The following SPG7 variants were observed in gnomAD, a reference collection of about 807,000 sequenced individuals.
SPG7 encodes mitochondrial inner membrane m-AAA protease component paraplegin.
A neutral mutation model predicts 81.9 loss-of-function variants in SPG7; 103 were observed. That is an observed-to-expected ratio of 1.26 (90% CI 1.07 to 1.48). The LOEUF is 1.48. Ranked by LOEUF, SPG7 falls within the 40% of genes most tolerant of loss-of-function variation. The pLI, the probability that SPG7 is intolerant of heterozygous loss-of-function variation, is 0.00. For missense variants in SPG7, 1,241 were observed against 1,087.3 expected (o/e 1.14, Z -1.99); for synonymous variants, 534 against 444.2 (o/e 1.20, Z -2.54).
intron 11 of SPG7, chr16:89,547,104 C>A (rs2058574610): frequency 2.9e-6 from 1 of 343,334 alleles, no homozygotes; most frequent in Non-Finnish European, 5.7e-6. Context: ...GGCAAAGCCG[C>A]CTCCCTCTGA....
At chr16:89,530,917 T>C (rs148264342) in intron 7 of SPG7, 109 bp downstream of exon 7, 8 of 1,488,150 alleles carry the variant, frequency 5.4e-6, no homozygotes, top group Non-Finnish European at 7.5e-6. Flanking sequence ...TGTCGTGGGT[T>C]GGCGGTGACC....
chr16:89,529,439 C>A, intron 5 of SPG7, 38 bp from the exon 6 acceptor site: 1 of 1,395,770 alleles, frequency 7.2e-7, no homozygotes. Context: ...TCACGTGACA[C>A]CGTCTGAGCC....
At chr16:89,510,393 A>T (rs1457937045) in intron 1 of SPG7, 97 bp from the exon 2 acceptor site, 1 of 714,258 alleles carries the variant, frequency 1.4e-6, no homozygotes, top group Non-Finnish European at 2.5e-6. Flanking sequence ...ACAAATAATT[A>T]TATATTTGAA....
intron 13 of SPG7, chr16:89,552,673 G>T: frequency 2.4e-6 from 1 of 413,414 alleles, no homozygotes; most frequent in Non-Finnish European, 4.6e-6. Flanking sequence ...GGCCATCGGG[G>T]GTGAAACTTG....
intron 2 of SPG7, among the ~76,000 whole-genome samples, chr16:89,511,984 T>G (rs543695339): frequency 2.1e-4 from 32 of 152,164 alleles, no homozygotes; most frequent in Non-Finnish European, 3.2e-4. Context: ...CGATCTCCGC[T>G]CACTGCAAGC....
intron 9 of SPG7, chr16:89,541,975 C>T (rs973972200): frequency 1.4e-4 from 21 of 149,498 alleles, no homozygotes; most frequent in African/African-American, 5.2e-4. Flanking sequence ...CGCAGGGTGG[C>T]CATCCTAACA....
At chr16:89,548,168 A>T in intron 12 of SPG7, 55 bp downstream of exon 12, 1 of 1,243,660 alleles carries the variant, frequency 8.0e-7, no homozygotes, top group South Asian at 1.2e-5. Flanking sequence ...TGAACCCCAG[A>T]AATACCCAGG....
At chr16:89,542,015 G>T (rs1351752427) in intron 9 of SPG7, 3 of 151,504 alleles carry the variant, frequency 2.0e-5, no homozygotes, top group Non-Finnish European at 2.9e-5. Flanking sequence ...CACGTGCCCC[G>T]CAGGGTGGCC....
chr16:89,524,181 G>T lies in SPG7; in HGVS notation c.552G>T (p.Gln184His). 6.2e-7 allele frequency: 1 copy of T among 1,614,080 alleles called. No individual in the cohort carries two copies. Among genetic ancestry groups the T allele is most frequent in the Non-Finnish European group, 8.5e-7 (1 of 1,180,028 alleles). Residue 184 changes from glutamine (Q) to histidine (H), a missense_variant, in exon 4 of 17, where the codon CAG (glutamine) becomes CAT (histidine). Transcript: ENST00000645818. ...MLAKGEVQRV[Q>H]VVPESDVVEV... The stretch of plus-strand genomic sequence containing the variant: ...CCAAGGGCGAGGTGCAGCGCGTCCA[G>T]GTGGTGCCTGAGAGCGACGTGGTGG...
At chr16:89,510,297 T>C (rs1046386718) in intron 1 of SPG7, among the ~76,000 whole-genome samples, 193 bp from the exon 2 acceptor site, 1 of 152,208 alleles carries the variant, frequency 6.6e-6, no homozygotes, top group African/African-American at 2.4e-5. Flanking sequence ...TTAACCTGTT[T>C]ACTTGCTTTT....
chr16:89,541,072 C>G (rs766992173), intron 9 of SPG7: 1 of 984,716 alleles, frequency 1.0e-6, no homozygotes, highest in Non-Finnish European at 1.2e-6. Context: ...AGAGCTGAAA[C>G]TGGTGTATCC....
intron 14 of SPG7, chr16:89,553,447 G>A: frequency 1.9e-6 from 1 of 524,194 alleles, no homozygotes; most frequent in Non-Finnish European, 3.4e-6. Context: ...TACTGCACTG[G>A]GATATCCAGA....
chr16:89,533,895 A>C (rs1250102122), intron 9 of SPG7: 2 of 152,050 alleles, frequency 1.3e-5, no homozygotes, highest in African/African-American at 4.8e-5. Context: ...GCTGTTGGGG[A>C]GGCCGAGGCA....
intron 4 of SPG7, among the ~76,000 whole-genome samples, chr16:89,524,953 CTTTTTT>C (rs34661848): frequency 1.7e-5 from 2 of 118,916 alleles, no homozygotes; most frequent in Non-Finnish European, 3.5e-5. Context: ...TTTTCTTTTG[CTTTTTT>C]TTTTTTTTTT....
In SPG7 at chr16:89,528,606, T is replaced by A. The variant is rs1438185441; in HGVS notation, c.759-871T>A. ...AGGGCAAAAGTCCTGGGATTTGCTT[T>A]TTTTTTTTTTTTTTTTTGGAGTCAG... On this transcript the variant is annotated intron_variant, in intron 5 of 16. Coordinates refer to ENST00000645818, the MANE Select transcript of SPG7 (RefSeq NM_003119.4). 9.7e-3 allele frequency: 1,392 copies of A among 143,548 alleles called. 53 individuals are homozygous for A. Among genetic ancestry groups the A allele is most frequent in the African/African-American group, 0.034 (1,254 of 36,980 alleles). The allele number at this position is 143,548 out of a possible 1,614,324, so 8.9% of individuals were successfully genotyped here.
intron 14 of SPG7, 119 bp downstream of exon 14, chr16:89,553,254 G>A (rs1275086961): frequency 1.9e-6 from 2 of 1,069,360 alleles, no homozygotes; most frequent in South Asian, 1.4e-5. Flanking sequence ...AATTTATTAA[G>A]TATTTTGTAA....
intron 9 of SPG7, chr16:89,537,310 G>A: frequency 3.2e-6 from 4 of 1,260,026 alleles, no homozygotes; most frequent in Non-Finnish European, 4.0e-6. Context: ...GCAAGTCAAA[G>A]AGCACTGGAG....
chr16:89,554,525 G>A lies in SPG7; in HGVS notation c.2143G>A (p.Glu715Lys), dbSNP rs374302115. ...GGTGGCCAAGGCCTACAGACACACC[G>A]AGAAGGTGCTGCAGGACAACCTGGA... The part of the protein sequence containing the change: ...LLVAKAYRHT[E>K]KVLQDNLDKL... Residue 715 changes from glutamate to lysine, a missense_variant, in exon 16 of 17, where the codon GAG becomes AAG. By Grantham distance (56) the Glu-to-Lys change is moderately conservative. Transcript: ENST00000645818. The A allele has an allele frequency of 1.1e-5, 18 of 1,609,568 alleles. No individual in the cohort carries two copies. The highest frequency in any genetic ancestry group is 1.3e-5 in the African/African-American group (1 of 74,906).
chr16:89,546,357 A>C (rs1048088539), intron 10 of SPG7: 5 of 376,254 alleles, frequency 1.3e-5, no homozygotes, highest in Middle Eastern at 9.1e-4. Flanking sequence ...GGGCCCGGCC[A>C]TCCAACAGTG....
Sources: allele counts gnomAD v4.1 joint callset (sites outside exome capture counted in the v4.1 genomes callset), GRCh38; gene constraint gnomAD v4.1.1; transcripts MANE v1.5; gene names NCBI Gene and HGNC (gene_info 2026-07-23, HGNC 2026-07-21).